Variants in LRRC8B observed in about 807,000 individuals in gnomAD.
LRRC8B encodes volume-regulated anion channel subunit LRRC8B.
Under a neutral mutation model 58.8 loss-of-function variants are expected in LRRC8B, and 23 were observed. That is an observed-to-expected ratio of 0.39 (90% CI 0.28 to 0.55). The LOEUF is 0.55. Among genes scored for constraint, LRRC8B ranks in the 20% least tolerant of loss-of-function variants. LRRC8B has a pLI of 0.62. For missense variants in LRRC8B, 694 were observed against 936.0 expected, an observed-to-expected ratio of 0.74 and a Z score of 3.37; for synonymous variants, 359 against 374.1, an observed-to-expected ratio of 0.96 and a Z score of 0.47.
chr1:89,529,647 T>C (rs72712504), intron 1 of LRRC8B, among the ~76,000 whole-genome samples: 5 of 152,342 alleles, frequency 3.3e-5, no homozygotes, highest in African/African-American at 9.6e-5. Context: ...TCAGTACTTA[T>C]TCTATTTTTT....
chr1:89,574,124 C>T (rs1197331404), intron 3 of LRRC8B, among the ~76,000 whole-genome samples: 4 of 152,234 alleles, frequency 2.6e-5, no homozygotes, highest in Non-Finnish European at 5.9e-5. Context: ...CGAAGCTGGG[C>T]TCCCAGCCAG....
chr1:89,567,972 G>A (rs1027173762), intron 1 of LRRC8B, among the ~76,000 whole-genome samples: 1 of 152,086 alleles, frequency 6.6e-6, no homozygotes, highest in Admixed American at 6.5e-5. Context: ...ATTTTACAAT[G>A]GCATAATTGT....
chr1:89,591,347 G>A (rs1386061884), intron 5 of LRRC8B, among the ~76,000 whole-genome samples: 1 of 152,164 alleles, frequency 6.6e-6, no homozygotes, highest in African/African-American at 2.4e-5. Flanking sequence ...TGCAGAAGGG[G>A]TTGCCTTAGA....
intron 1 of LRRC8B, among the ~76,000 whole-genome samples, chr1:89,543,639 G>A (rs1344359947): frequency 6.6e-6 from 1 of 150,900 alleles, no homozygotes; most frequent in African/African-American, 2.4e-5. Flanking sequence ...GGGAGTACAG[G>A]CACATGCCAG....
chr1:89,554,946 T>G (rs984342904), intron 1 of LRRC8B, among the ~76,000 whole-genome samples: 5 of 152,160 alleles, frequency 3.3e-5, no homozygotes, highest in African/African-American at 1.2e-4. Context: ...CAGCTGATTT[T>G]GTCACTCAGC....
intron 5 of LRRC8B, among the ~76,000 whole-genome samples, chr1:89,590,996 T>C (rs187444111): frequency 1.7e-3 from 264 of 152,286 alleles, no homozygotes; most frequent in Non-Finnish European, 2.9e-3. Context: ...CATCCTACAC[T>C]GCACAGGACA....
At chr1:89,563,958 G>A (rs527723103) in intron 1 of LRRC8B, among the ~76,000 whole-genome samples, 33 of 152,172 alleles carry the variant, frequency 2.2e-4, no homozygotes, top group African/African-American at 7.9e-4. Context: ...ATAAGAACTA[G>A]GCCTAACAAA....
intron 5 of LRRC8B, 48 bp downstream of exon 5, chr1:89,584,837 G>A (rs1654514606): frequency 7.7e-7 from 1 of 1,296,636 alleles, no homozygotes; most frequent in South Asian, 1.4e-5. Flanking sequence ...CGTACTTATA[G>A]TGCATTACAT....
At chr1:89,539,901 G>A (rs1044038472) in intron 1 of LRRC8B, among the ~76,000 whole-genome samples, 3 of 152,124 alleles carry the variant, frequency 2.0e-5, no homozygotes, top group African/African-American at 7.2e-5. Context: ...ATAAGTAGTT[G>A]AACAGCTAAT....
intron 1 of LRRC8B, among the ~76,000 whole-genome samples, chr1:89,532,026 C>A (rs1650172488): frequency 6.6e-6 from 1 of 152,104 alleles, no homozygotes; most frequent in South Asian, 2.1e-4. Flanking sequence ...AGTGGCACAC[C>A]AAGCTCCTTC....
At chr1:89,537,815 G>T (rs1160479640) in intron 1 of LRRC8B, among the ~76,000 whole-genome samples, 1 of 152,126 alleles carries the variant, frequency 6.6e-6, no homozygotes, top group African/African-American at 2.4e-5. Context: ...GAGCTTGTTT[G>T]CCTCTCCCAC....
At chr1:89,566,142 C>T (rs1212920051) in intron 1 of LRRC8B, among the ~76,000 whole-genome samples, 1 of 152,154 alleles carries the variant, frequency 6.6e-6, no homozygotes, top group Non-Finnish European at 1.5e-5. Flanking sequence ...GGGATACATC[C>T]TGGGATGCCA....
intron 3 of LRRC8B, among the ~76,000 whole-genome samples, chr1:89,570,281 T>C (rs1653361747): frequency 6.6e-6 from 1 of 152,200 alleles, no homozygotes; most frequent in Admixed American, 6.5e-5. Context: ...TCTTTAGGTC[T>C]TTGAGGTATT....
rs750706431 is a variant in LRRC8B, at chr1:89,583,195, A to C, written c.545A>C (p.Lys182Thr). 6.2e-7 allele frequency: 1 copy of C among 1,614,150 alleles called. No individual in the cohort carries two copies. The highest frequency in any genetic ancestry group is 1.7e-5 in the Admixed American group (1 of 60,024). Residue 182 changes from lysine to threonine, a missense_variant, in exon 5 of 6, where the codon AAA (lysine) becomes ACA (threonine). Lys to Thr is a moderately conservative substitution (Grantham distance 78). This residue lies in a region of LRRC8B where 316 missense variants were observed against 403.8 expected (regional missense o/e 0.78). Coordinates refer to ENST00000330947, the MANE Select transcript of LRRC8B (RefSeq NM_001369817.2). This position sits in a 1 kb window ranked among gnomAD's most constrained non-coding sequence, Gnocchi z 5.2. Reference protein sequence around the residue: ...TVAEQSVRPLKLSKSKILLSS... With the variant: ...TVAEQSVRPLTLSKSKILLSS... ...GCTGAGCAGTCAGTGAGGCCTCTGA[A>C]ACTCTCCAAGTCCAAGATTTTGCTT...
chr1:89,584,405 C>A lies in LRRC8B; in HGVS notation c.1755C>A (p.Val585=). 6.2e-7 allele frequency: 1 copy of A among 1,614,094 alleles called. No individual in the cohort carries two copies. Among genetic ancestry groups the A allele is most frequent in the Non-Finnish European group, 8.5e-7 (1 of 1,180,018 alleles). Residue 585 remains valine (V), a synonymous_variant, in exon 5 of 6, where the codon GTC becomes GTA. Transcript: ENST00000330947. ...LVVLNNLKKM[V]NLKSLELISC... ...TGTTGAACAACTTGAAAAAGATGGT[C>A]AATCTGAAAAGCCTAGAACTGATCA...
intron 5 of LRRC8B, among the ~76,000 whole-genome samples, chr1:89,591,703 G>A (rs1654985577): frequency 6.6e-6 from 1 of 152,096 alleles, no homozygotes; most frequent in South Asian, 2.1e-4. Flanking sequence ...GACAGTTCTG[G>A]ATGGCCCTAG....
rs558736498 is a variant in LRRC8B, at chr1:89,571,779, C to CT, written c.-125+3296dup. 5.7e-3 allele frequency among the ~76,000 whole-genome samples: 846 copies of CT among 148,474 alleles called. 9 individuals carry two copies. Among genetic ancestry groups the CT allele is most frequent in the African/African-American group, 0.019 (752 of 40,560 alleles). ...TGTTGTGTGCTGGTTTTCTTTCTTT[C>CT]TTTTTTTTTTCTTTTTTGCTAAGGA... is the stretch of plus-strand genomic sequence containing the variant. On this transcript the variant is annotated intron_variant, in intron 3 of 5. Coordinates refer to ENST00000330947, the MANE Select transcript of LRRC8B (RefSeq NM_001369817.2).
At chr1:89,557,314 A>G (rs1423030298) in intron 1 of LRRC8B, among the ~76,000 whole-genome samples, 1 of 152,188 alleles carries the variant, frequency 6.6e-6, no homozygotes, top group Non-Finnish European at 1.5e-5. Flanking sequence ...CCACAGTGGC[A>G]TAAATAAAGC....
intron 5 of LRRC8B, among the ~76,000 whole-genome samples, chr1:89,587,220 C>T (rs1445684843): frequency 2.0e-5 from 3 of 152,168 alleles, no homozygotes; most frequent in Non-Finnish European, 2.9e-5. Context: ...TAAAGGGCAT[C>T]AGGAATTCAT....
Sources: gnomAD v4.1 joint callset for allele counts (sites outside exome capture counted in the v4.1 genomes callset) on GRCh38, gnomAD v4.1.1 for gene constraint, gnomAD v4.1.1 regional missense constraint, Gnocchi (gnomAD v3.1) non-coding constraint, MANE v1.5 for transcripts, NCBI Gene and HGNC (gene_info 2026-07-23, HGNC 2026-07-21) for gene names.